Variants in LPP observed in about 807,000 individuals in gnomAD.
LPP encodes LIM domain containing preferred translocation partner in lipoma, also known as lipoma-preferred partner.
In LPP, 38 loss-of-function variants were observed where a neutral mutation model predicts 60.4. The observed-to-expected ratio is 0.63, with a 90% CI of 0.49 to 0.83. The LOEUF (loss-of-function observed/expected upper bound fraction) is 0.83, where lower values mean the gene tolerates loss of function less well. Among genes scored for constraint, LPP ranks in the 40% least tolerant of loss-of-function variants. The pLI, the probability that LPP is intolerant of heterozygous loss-of-function variation, is 0.00. For missense variants in LPP, 902 were observed against 783.6 expected (o/e 1.15, Z -1.80); for synonymous variants, 328 against 290.8 (o/e 1.13, Z -1.30).
intron 9 of LPP, among the ~76,000 whole-genome samples, chr3:188,781,870 C>T (rs376103251): frequency 1.4e-4 from 20 of 142,596 alleles, no homozygotes; most frequent in East Asian, 6.1e-4. Context: ...CCAGCCTGGG[C>T]GACAGAGCAA....
intron 9 of LPP, among the ~76,000 whole-genome samples, chr3:188,806,502 C>T (rs1455621280): frequency 1.3e-5 from 2 of 151,730 alleles, no homozygotes; most frequent in Admixed American, 1.3e-4. Context: ...TCCAATTTGA[C>T]CATCTGTATT....
At chr3:188,218,961 C>A (rs1714741029) in intron 1 of LPP, among the ~76,000 whole-genome samples, 1 of 148,646 alleles carries the variant, frequency 6.7e-6, no homozygotes, top group African/African-American at 2.5e-5. Context: ...GAATACAGCT[C>A]AATTTTCAAC....
At chr3:188,198,805 G>A (rs773261157) in intron 1 of LPP, among the ~76,000 whole-genome samples, 16 of 152,164 alleles carry the variant, frequency 1.1e-4, no homozygotes, top group Non-Finnish European at 1.0e-4. Context: ...CATGAAAAAC[G>A]TGGGTCACCA....
intron 1 of LPP, among the ~76,000 whole-genome samples, chr3:188,196,179 T>C (rs1729487862): frequency 6.6e-6 from 1 of 152,202 alleles, no homozygotes; most frequent in Non-Finnish European, 1.5e-5. Context: ...TCTTGCTCTC[T>C]CTTGTATCCC....
intron 4 of LPP, among the ~76,000 whole-genome samples, chr3:188,429,200 G>A (rs768249898): frequency 3.3e-5 from 5 of 152,130 alleles, no homozygotes; most frequent in Non-Finnish European, 7.4e-5. Flanking sequence ...TAATAATTAT[G>A]AGTTTTATTA....
Position 188,708,325 on chromosome 3 carries a change from A to T in LPP, c.1172A>T (p.Asp391Val). Residue 391 changes from aspartate (D) to valine (V), a missense_variant, in exon 8 of 12, where the codon GAT (aspartate) becomes GTT (valine). Transcript: ENST00000617246. ...SSVAPSFRPE[D>V]ELEHLTKKML... is the part of the protein sequence containing the mutation. ...GTTGCCCCTTCATTCCGCCCAGAGG[A>T]TGAGCTTGAGCACCTGACCAAAAAG... is the stretch of plus-strand genomic sequence containing the variant. 2 of 1,614,154 alleles carry T rather than the reference A, an allele frequency of 1.2e-6. No homozygotes were observed. The highest frequency in any genetic ancestry group is 1.7e-6 in the Non-Finnish European group (2 of 1,180,012).
At chr3:188,381,055 G>A (rs2148542751) in intron 3 of LPP, among the ~76,000 whole-genome samples, 1 of 152,242 alleles carries the variant, frequency 6.6e-6, no homozygotes, top group African/African-American at 2.4e-5. Context: ...CACTATTCTA[G>A]TTTACCTTTT....
chr3:188,167,916 G>T (rs1481810815), intron 1 of LPP, among the ~76,000 whole-genome samples: 2 of 152,108 alleles, frequency 1.3e-5, no homozygotes, highest in African/African-American at 4.8e-5. Context: ...TAATATGTAA[G>T]AAATATCTTA....
chr3:188,868,243 C>T (rs1322870922), intron 10 of LPP, among the ~76,000 whole-genome samples: 1 of 152,208 alleles, frequency 6.6e-6, no homozygotes, highest in Non-Finnish European at 1.5e-5. Context: ...AATCGGAGCA[C>T]ACATGTTTCT....
rs1030279501 is a variant in LPP, at chr3:188,867,384, G to A, written c.1589+1006G>A. On this transcript the variant is annotated intron_variant, in intron 10 of 11. Coordinates refer to ENST00000617246, the MANE Select transcript of LPP (RefSeq NM_001375462.1). ...TTTTTAGACAAAGTCTCACTCTGCT[G>A]CCCAGGCTGGAGTGCAGTAGTGCAA... 2.9e-4 allele frequency among the ~76,000 whole-genome samples: 44 copies of A among 151,154 alleles called. 1 individual carries two copies. In the South Asian group the frequency reaches 6.1e-3, roughly 21 times the overall value.
intron 4 of LPP, among the ~76,000 whole-genome samples, chr3:188,445,107 T>C (rs1794910736): frequency 6.6e-6 from 1 of 152,180 alleles, no homozygotes; most frequent in Admixed American, 6.5e-5. Context: ...CAACCAGAAA[T>C]ACCATTTGAC....
At chr3:188,530,930 T>C (rs1390237189) in intron 6 of LPP, among the ~76,000 whole-genome samples, 1 of 152,222 alleles carries the variant, frequency 6.6e-6, no homozygotes, top group East Asian at 1.9e-4. Flanking sequence ...TTCTGTCTAT[T>C]TCTTAGAAGA....
intron 3 of LPP, among the ~76,000 whole-genome samples, chr3:188,405,032 TC>T (rs1020688670): frequency 5.9e-5 from 9 of 152,186 alleles, no homozygotes; most frequent in Admixed American, 2.0e-4. Flanking sequence ...GGCTGATTGT[TC>T]CCCTCCTAGT....
chr3:188,407,883 C>T (rs553156015), intron 4 of LPP, among the ~76,000 whole-genome samples: 11 of 147,902 alleles, frequency 7.4e-5, no homozygotes, highest in Admixed American at 3.5e-4. Flanking sequence ...CTCCGCTTCC[C>T]GGGTTCAAGT....
At chr3:188,566,402 C>T (rs530233194) in intron 6 of LPP, among the ~76,000 whole-genome samples, 1 of 151,840 alleles carries the variant, frequency 6.6e-6, no homozygotes, top group Admixed American at 6.6e-5. Context: ...TTTTCTGTAT[C>T]ATATTTCATG....
intron 6 of LPP, among the ~76,000 whole-genome samples, chr3:188,534,543 C>T (rs543191318): frequency 4.6e-5 from 7 of 152,048 alleles, no homozygotes; most frequent in African/African-American, 1.7e-4. Flanking sequence ...AGTATGAAAC[C>T]CCATAGTTCC....
At position 188,884,884 on chromosome 3, in the gene LPP, ATGTTATGGAAC is replaced by A. The variant is rs1463387408; in HGVS notation, c.*10410_*10420del. ...ATGAGCTAACAATGTCTGAAAACAA[ATGTTATGGAAC>A]TGTTGGCATTTCTGAGATTTGGCCT... On this transcript the variant is annotated 3_prime_UTR_variant, in exon 12 of 12. Coordinates refer to ENST00000617246, the MANE Select transcript of LPP (RefSeq NM_001375462.1). 2 of 224,404 alleles carry A rather than the reference ATGTTATGGAAC, an allele frequency of 8.9e-6. No individual in the cohort carries two copies. Among genetic ancestry groups the A allele is most frequent in the African/African-American group, 4.5e-5 (2 of 44,796 alleles). The allele number at this position is 224,404 out of a possible 1,614,324, so 13.9% of individuals were successfully genotyped here.
In LPP at chr3:188,368,890, C is replaced by T. The variant is rs190201711; in HGVS notation, c.-10+27171C>T. ...CTATTCACTTTGAAAACTGGTTTAC[C>T]TGAAAGGAAGAGGTGTGTGTGAAAG... On this transcript the variant is annotated intron_variant, in intron 3 of 11. Coordinates refer to ENST00000617246, the MANE Select transcript of LPP (RefSeq NM_001375462.1). Among the ~76,000 whole-genome samples the T allele has an allele frequency of 2.0e-3, 298 of 152,184 alleles. 3 individuals carry two copies. The highest frequency in any genetic ancestry group is 1.7e-3 in the Non-Finnish European group (114 of 67,996).
intron 2 of LPP, among the ~76,000 whole-genome samples, chr3:188,240,684 G>C (rs1724189929): frequency 1.3e-5 from 2 of 152,144 alleles, no homozygotes; most frequent in East Asian, 3.9e-4. Context: ...TAGTAAGGCT[G>C]CTCAGGTGGG....
Sources: gnomAD v4.1 joint callset for allele counts (sites outside exome capture counted in the v4.1 genomes callset) on GRCh38, gnomAD v4.1.1 for gene constraint, MANE v1.5 for transcripts, NCBI Gene and HGNC (gene_info 2026-07-23, HGNC 2026-07-21) for gene names.